The following CCDC68 variants were observed in gnomAD, a reference collection of about 807,000 sequenced individuals.
CCDC68 encodes the protein coiled-coil domain-containing protein 68.
A neutral mutation model predicts 47.1 loss-of-function variants in CCDC68; 45 were observed. That is an observed-to-expected ratio of 0.96 (90% CI 0.75 to 1.23). The LOEUF (loss-of-function observed/expected upper bound fraction) is 1.23. CCDC68 is among the 50% of genes most tolerant of loss of function. CCDC68 has a pLI of 0.00. For synonymous variants in CCDC68, 131 were observed against 129.5 expected, an observed-to-expected ratio of 1.01 and a Z score of -0.08; for missense variants, 353 against 373.6, an observed-to-expected ratio of 0.94 and a Z score of 0.45.
chr18:54,923,129 T>C (rs1034598566), intron 8 of CCDC68, among the ~76,000 whole-genome samples: 1 of 152,028 alleles, frequency 6.6e-6, no homozygotes, highest in African/African-American at 2.4e-5. Context: ...AGAGCAGCTA[T>C]GACCCACTTA....
chr18:54,905,700 C>T (rs769173221), intron 11 of CCDC68, among the ~76,000 whole-genome samples: 1 of 152,078 alleles, frequency 6.6e-6, no homozygotes, highest in South Asian at 2.1e-4. Context: ...GTGAGTCCTG[C>T]CTTTATATCA....
At chr18:54,930,315 G>A (rs1382508884) in intron 7 of CCDC68, among the ~76,000 whole-genome samples, 1 of 152,016 alleles carries the variant, frequency 6.6e-6, no homozygotes, top group Non-Finnish European at 1.5e-5. Context: ...TGTATCTTCT[G>A]AGCATTCCTA....
chr18:54,908,958 C>T (rs778006956), intron 10 of CCDC68, among the ~76,000 whole-genome samples: 3 of 152,122 alleles, frequency 2.0e-5, no homozygotes. Flanking sequence ...AGTCCACCTG[C>T]CTCAGCCTCC....
At chr18:54,924,191 G>T (rs991274909) in intron 8 of CCDC68, among the ~76,000 whole-genome samples, 12 of 152,084 alleles carry the variant, frequency 7.9e-5, no homozygotes, top group African/African-American at 2.9e-4. Context: ...TGAAATTAAA[G>T]CAGAATTGAA....
intron 11 of CCDC68, 105 bp downstream of exon 11, chr18:54,907,681 G>T: frequency 1.5e-6 from 1 of 678,282 alleles, no homozygotes; most frequent in South Asian, 1.9e-5. Flanking sequence ...GTAAACAAAT[G>T]ATTACATAAG....
chr18:54,907,234 G>A (rs1051189260), intron 11 of CCDC68, among the ~76,000 whole-genome samples: 1 of 152,136 alleles, frequency 6.6e-6, no homozygotes, highest in African/African-American at 2.4e-5. Context: ...GACTTAGATG[G>A]TTTCAACCAT....
intron 1 of CCDC68, among the ~76,000 whole-genome samples, chr18:54,958,702 C>A (rs1182721251): frequency 6.6e-6 from 1 of 152,158 alleles, no homozygotes. Context: ...CTTGCACGGT[C>A]CCGTACTAAC....
chr18:54,914,800 C>A (rs1036510298), intron 10 of CCDC68, among the ~76,000 whole-genome samples: 2 of 152,034 alleles, frequency 1.3e-5, no homozygotes, highest in Non-Finnish European at 2.9e-5. Context: ...GCTGAATAGT[C>A]GGTAATTATT....
intron 11 of CCDC68, among the ~76,000 whole-genome samples, chr18:54,905,827 C>A (rs565498141): frequency 2.1e-4 from 32 of 152,126 alleles, no homozygotes; most frequent in Non-Finnish European, 4.3e-4. Context: ...GTATTTACAG[C>A]CACTCCCCAT....
chr18:54,914,574 C>A (rs1211768273), intron 10 of CCDC68, among the ~76,000 whole-genome samples: 1 of 151,878 alleles, frequency 6.6e-6, no homozygotes, highest in Non-Finnish European at 1.5e-5. Flanking sequence ...GCCGAGATCA[C>A]GAGATCACGC....
intron 10 of CCDC68, among the ~76,000 whole-genome samples, chr18:54,910,108 G>T (rs1441908932): frequency 6.6e-6 from 1 of 152,208 alleles, no homozygotes; most frequent in African/African-American, 2.4e-5. Context: ...ACCTGCAGGG[G>T]GCAGCTCCCT....
At chr18:54,924,350 C>T (rs2044111657) in intron 8 of CCDC68, among the ~76,000 whole-genome samples, 1 of 151,660 alleles carries the variant, frequency 6.6e-6, no homozygotes, top group African/African-American at 2.4e-5. Flanking sequence ...GGCTCTGGAA[C>T]CTGGGATCCA....
In CCDC68 at chr18:54,920,454, T is replaced by C. The variant is rs950265138; in HGVS notation, c.684-1078A>G. ...TGGAGTTTCACCATGTTGGCGAGGCTGGTCTTGAGCTCCTGACCTCAGCTG... is the reference window on the plus strand; with the variant it reads ...TGGAGTTTCACCATGTTGGCGAGGCCGGTCTTGAGCTCCTGACCTCAGCTG... On this transcript the variant is annotated intron_variant, in intron 8 of 11. Coordinates refer to ENST00000591504, the MANE Select transcript of CCDC68 (RefSeq NM_025214.3). Among the ~76,000 whole-genome samples the C allele has an allele frequency of 3.3e-5, 5 of 152,300 alleles. No homozygotes were observed. In the East Asian group the frequency reaches 9.6e-4, roughly 29 times the overall value.
chr18:54,932,573 T>C (rs1048673472), intron 7 of CCDC68, among the ~76,000 whole-genome samples: 1 of 152,198 alleles, frequency 6.6e-6, no homozygotes, highest in Non-Finnish European at 1.5e-5. Flanking sequence ...GAGATTCCAG[T>C]AGGCTTGCCC....
At chr18:54,924,756 G>A (rs1376864051) in intron 8 of CCDC68, among the ~76,000 whole-genome samples, 1 of 152,166 alleles carries the variant, frequency 6.6e-6, no homozygotes, top group Non-Finnish European at 1.5e-5. Context: ...CTCCCAAAGG[G>A]TTGGTGAAAA....
intron 6 of CCDC68, among the ~76,000 whole-genome samples, chr18:54,935,555 G>A (rs558753226): frequency 6.6e-6 from 1 of 152,284 alleles, no homozygotes; most frequent in Non-Finnish European, 1.5e-5. Flanking sequence ...AATACCAAGT[G>A]GGCCTTCCAG....
chr18:54,933,059 C>G (rs1430678810), intron 7 of CCDC68, among the ~76,000 whole-genome samples: 1 of 152,104 alleles, frequency 6.6e-6, no homozygotes, highest in East Asian at 1.9e-4. Flanking sequence ...CTTGGGATTA[C>G]TAGGAAATAG....
At chr18:54,940,943 T>A in intron 4 of CCDC68, 54 bp downstream of exon 4, 1 of 1,335,196 alleles carries the variant, frequency 7.5e-7, no homozygotes, top group Non-Finnish European at 1.1e-6. Context: ...TGCCCAAAAA[T>A]TACTTTAAAA....
chr18:54,934,586 T>TG (rs1289764581), intron 7 of CCDC68, among the ~76,000 whole-genome samples: 1 of 152,202 alleles, frequency 6.6e-6, no homozygotes, highest in African/African-American at 2.4e-5. Context: ...TGACAAATGA[T>TG]GATATGACTA....
Sources: allele counts gnomAD v4.1 joint callset (sites outside exome capture counted in the v4.1 genomes callset), GRCh38; gene constraint gnomAD v4.1.1; transcripts MANE v1.5; gene names NCBI Gene and HGNC (gene_info 2026-07-23, HGNC 2026-07-21).